Variants in RNF128 observed in about 807,000 individuals in gnomAD.
RNF128 encodes ring finger protein 128.
In RNF128, 13 loss-of-function variants were observed where a neutral mutation model predicts 26.2. That is an observed-to-expected ratio of 0.50 (90% confidence interval 0.32 to 0.79). The LOEUF (loss-of-function observed/expected upper bound fraction) is 0.79. Ranked by LOEUF, RNF128 falls within the 30% of genes least tolerant of loss-of-function variation. RNF128 has a pLI of 0.03. For synonymous variants in RNF128, 149 were observed against 142.5 expected, an observed-to-expected ratio of 1.05 and a Z score of -0.32; for missense variants, 315 against 349.7, an observed-to-expected ratio of 0.90 and a Z score of 0.79.
chrX:106,695,144 G>A (rs1928855740), intron 1 of RNF128, among the ~76,000 whole-genome samples: 1 of 110,324 alleles, frequency 9.1e-6, no homozygotes. Flanking sequence ...CAAGTAAATA[G>A]ATTTTTAAAC....
intron 1 of RNF128, among the ~76,000 whole-genome samples, chrX:106,771,943 C>A (rs1188410284): frequency 8.9e-6 from 1 of 112,198 alleles, no homozygotes; most frequent in African/African-American, 3.2e-5. Context: ...GATCATTAAC[C>A]CAGATTAGCA....
At chrX:106,761,248 G>C in intron 1 of RNF128, among the ~76,000 whole-genome samples, 1 of 112,018 alleles carries the variant, frequency 8.9e-6, no homozygotes, top group Non-Finnish European at 1.9e-5. Flanking sequence ...CCACCAGTCA[G>C]TATGGCTATT....
chrX:106,773,179 T>C lies in RNF128; in HGVS notation c.732+19T>C. 8.4e-7 allele frequency: 1 copy of C among 1,186,852 alleles called. No homozygotes were observed. ...GAAGCAGGTTTGTAATGGTCCTTTC[T>C]TCCACTATTAAAAAAAATTTACTGT... On this transcript the variant is annotated intron_variant, in intron 2 of 6. Coordinates refer to ENST00000255499, the MANE Select transcript of RNF128 (RefSeq NM_194463.2).
At chrX:106,731,740 C>T (rs763027759) in intron 1 of RNF128, among the ~76,000 whole-genome samples, 10 of 111,626 alleles carry the variant, frequency 9.0e-5, no homozygotes, top group African/African-American at 3.3e-4. Flanking sequence ...TAGCACTCCT[C>T]CTCCAGTAAA....
At chrX:106,776,315 A>G (rs1930463921) in intron 2 of RNF128, among the ~76,000 whole-genome samples, 1 of 112,457 alleles carries the variant, frequency 8.9e-6, no homozygotes, top group African/African-American at 3.2e-5. Flanking sequence ...TTGGCAAGTG[A>G]AACAAAAGAG....
At chrX:106,711,856 G>A (rs1929133294) in intron 1 of RNF128, among the ~76,000 whole-genome samples, 2 of 111,304 alleles carry the variant, frequency 1.8e-5, no homozygotes, top group Non-Finnish European at 3.8e-5. Flanking sequence ...ACTCAGCCAA[G>A]GTCAGCCAAA....
At chrX:106,708,015 A>C (rs191161942) in intron 1 of RNF128, among the ~76,000 whole-genome samples, 6 of 111,792 alleles carry the variant, frequency 5.4e-5, no homozygotes, top group Admixed American at 1.9e-4. Context: ...TGAATAAATG[A>C]GTGTATGAAA....
At chrX:106,762,401 T>C (rs5962741) in intron 1 of RNF128, among the ~76,000 whole-genome samples, 14,861 of 107,807 alleles carry the variant, frequency 0.14, 2,750 homozygotes, top group African/African-American at 0.49. Context: ...CCACAACCTC[T>C]GCCTCGGGTT....
chrX:106,744,102 G>A (rs890958231), intron 1 of RNF128, among the ~76,000 whole-genome samples: 13 of 109,361 alleles, frequency 1.2e-4, no homozygotes, highest in Non-Finnish European at 2.5e-4. Flanking sequence ...GGGGCCTGTT[G>A]GGTGGGGGAA....
intron 1 of RNF128, among the ~76,000 whole-genome samples, chrX:106,758,695 C>T (rs1243559478): frequency 7.2e-5 from 8 of 111,505 alleles, no homozygotes; most frequent in Admixed American, 3.8e-4. Flanking sequence ...GATAGGCTCT[C>T]CGATTAATGC....
intron 1 of RNF128, among the ~76,000 whole-genome samples, chrX:106,751,207 C>A (rs1569440761): frequency 9.0e-6 from 1 of 111,381 alleles, no homozygotes; most frequent in Non-Finnish European, 1.9e-5. Context: ...TCATTAATTT[C>A]TTACACCACC....
At chrX:106,769,704 TC>T (rs201767153) in intron 1 of RNF128, among the ~76,000 whole-genome samples, 16 of 110,325 alleles carry the variant, frequency 1.5e-4, no homozygotes, top group African/African-American at 5.3e-4. Context: ...TGTGTCTTTT[TC>T]TTTTCAGTCT....
chrX:106,714,925 G>A (rs755211985), intron 1 of RNF128, among the ~76,000 whole-genome samples: 1 of 111,954 alleles, frequency 8.9e-6, no homozygotes, highest in Admixed American at 9.5e-5. Flanking sequence ...TGGTATAGAT[G>A]TACCACAGTT....
chrX:106,720,440 C>T (rs1209009917), intron 1 of RNF128, among the ~76,000 whole-genome samples: 1 of 111,174 alleles, frequency 9.0e-6, no homozygotes, highest in Non-Finnish European at 1.9e-5. Context: ...TCTCAAACTC[C>T]TGGGCTCAAG....
chrX:106,736,026 A>G (rs890008367), intron 1 of RNF128, among the ~76,000 whole-genome samples: 6 of 110,432 alleles, frequency 5.4e-5, no homozygotes, highest in Non-Finnish European at 1.1e-4. Flanking sequence ...ATTCTACTCA[A>G]TACTGTTAAG....
At chrX:106,784,099 C>G (rs1356667173) in intron 2 of RNF128, among the ~76,000 whole-genome samples, 1 of 111,907 alleles carries the variant, frequency 8.9e-6, no homozygotes, top group Non-Finnish European at 1.9e-5. Context: ...ATTATATTCA[C>G]TACTTCAATT....
chrX:106,764,859 A>T (rs1028184356), intron 1 of RNF128, among the ~76,000 whole-genome samples: 3 of 112,237 alleles, frequency 2.7e-5, no homozygotes, highest in Admixed American at 1.9e-4. Flanking sequence ...TTATTACTAT[A>T]CATTTTCCTG....
Position 106,726,751 on chromosome X carries a change from G to C in RNF128, c.-163G>C, listed in dbSNP as rs780353543. The stretch of plus-strand genomic sequence containing the variant: ...CGAGGAGCTGCATCTGCGGCAACCT[G>C]TGTGCTGACGCTACGTGCCTCCTGG... On this transcript the variant is annotated 5_prime_UTR_variant, in exon 1 of 7. Transcript: ENST00000255499. 1.3e-4 allele frequency: 137 copies of C among 1,058,579 alleles called. No homozygotes were observed. The African/African-American group carries it at 2.2e-3, about 17-fold the overall frequency. 87.2% of individuals were successfully genotyped at this position (1,058,579 alleles called of 1,213,427 possible). A position where few individuals can be genotyped will look rare whatever the true frequency, so the allele number is the denominator to read the frequency against.
At chrX:106,739,276 C>T in intron 1 of RNF128, among the ~76,000 whole-genome samples, 1 of 110,746 alleles carries the variant, frequency 9.0e-6, no homozygotes, top group Non-Finnish European at 1.9e-5. Context: ...TCTCCTGCCT[C>T]AGCCTCCTGA....
Sources: gnomAD v4.1 joint callset for allele counts (sites outside exome capture counted in the v4.1 genomes callset) on GRCh38, gnomAD v4.1.1 for gene constraint, MANE v1.5 for transcripts, NCBI Gene and HGNC (gene_info 2026-07-23, HGNC 2026-07-21) for gene names.